The following DGCR8 variants were observed in gnomAD, a reference collection of about 807,000 sequenced individuals.
DGCR8 encodes microprocessor complex subunit DGCR8.
DGCR8 carries 14 observed loss-of-function variants against 78.5 expected under a neutral mutation model. The ratio of observed to expected loss-of-function variants is 0.18; its 90% confidence interval spans 0.12 to 0.28. The LOEUF is 0.28. DGCR8 is among the 10% of genes least tolerant of loss of function. The pLI is 1.00. For synonymous variants in DGCR8, 399 were observed against 402.4 expected (o/e 0.99, Z 0.10); for missense variants, 702 against 1,022.5 (o/e 0.69, Z 4.28).
At position 20,090,239 on chromosome 22, in the gene DGCR8, G is replaced by A; in HGVS notation, c.1287G>A (p.Val429=). Reference sequence around the variant, plus strand: ...GGCAGGTGAAGGCCAAAGTCGAGGTGTGCAAAGATGAATCCGTTGGTGAGT... The same window carrying A: ...GGCAGGTGAAGGCCAAAGTCGAGGTATGCAAAGATGAATCCGTTGGTGAGT... ...ALGQVKAKVE[V]CKDESVDLEE... Residue 429 remains valine, a synonymous_variant, in exon 5 of 14, where the codon GTG becomes GTA. Coordinates refer to ENST00000351989, the MANE Select transcript of DGCR8 (RefSeq NM_022720.7). 1 of 1,602,320 alleles carries A rather than the reference G, an allele frequency of 6.2e-7. No individual in the cohort carries two copies.
At chr22:20,081,603 C>G (rs558170381) in intron 1 of DGCR8, among the ~76,000 whole-genome samples, 1 of 152,186 alleles carries the variant, frequency 6.6e-6, no homozygotes, top group Admixed American at 6.5e-5. Flanking sequence ...CAGTCTTAGA[C>G]TCTCTTGTTG....
chr22:20,091,618 C>T lies in DGCR8; in HGVS notation c.1490C>T (p.Ala497Val), dbSNP rs1254043672. The T allele has an allele frequency of 2.5e-6, 4 of 1,614,164 alleles. No homozygotes were observed. In the South Asian group the frequency reaches 3.3e-5, roughly 13 times the overall value. ...CTCATTACTTTATCAGTGCAAGATG[C>T]ACCCACAAAGAAAGGTATAAGCCTC... ...QKLITLSVQD[A>V]PTKKEFVINP... Residue 497 changes from alanine (A) to valine (V), a missense_variant, in exon 6 of 14, where the codon GCA becomes GTA. Physicochemically the swap from Ala to Val is moderately conservative, Grantham distance 64. Coordinates refer to ENST00000351989, the MANE Select transcript of DGCR8 (RefSeq NM_022720.7).
chr22:20,100,169 C>A (rs4276104), intron 9 of DGCR8: 7,792 of 177,484 alleles, frequency 0.044, 223 homozygotes, highest in South Asian at 0.096. Flanking sequence ...TGGGTTCAAG[C>A]GATTCTTCTG....
intron 1 of DGCR8, 23 bp downstream of exon 1, chr22:20,080,406 G>GC (rs11387103): frequency 1 from 979,846 of 979,926 alleles, 489,883 homozygotes; most frequent in Middle Eastern, 1. Context: ...CGCGAGGGGC[G>GC]CCCGCGGGCG....
rs536949587 is a variant in DGCR8 at position 20,086,473 on chromosome 22, C to T, written c.510C>T (p.Asp170=). ...HACPFGGSVG[D]GVGIGGESAD... ...GTCCCTTTGGCGGGAGTGTTGGTGA[C>T]GGGGTAGGCATAGGGGGTGAGAGTG... The change falls in exon 2 of 14, where the codon GAC becomes GAT. Residue 170 remains aspartate (D), a synonymous_variant. Coordinates refer to ENST00000351989, the MANE Select transcript of DGCR8 (RefSeq NM_022720.7). The surrounding 1 kb of genome is among the most constrained non-coding windows in gnomAD (Gnocchi z 6.4). 18 of 1,613,556 alleles carry T rather than the reference C, an allele frequency of 1.1e-5. No homozygotes were observed. The highest frequency in any genetic ancestry group is 1.0e-4 in the Admixed American group (6 of 59,982).
rs944537169 is a variant in DGCR8 at position 20,100,229 on chromosome 22, G to C, written c.1788+5434G>C. 9 of 477,034 alleles carry C rather than the reference G, an allele frequency of 1.9e-5. No homozygotes were observed. In the African/African-American group the frequency reaches 1.9e-4, roughly 10 times the overall value. 29.6% of individuals were successfully genotyped at this position (477,034 alleles called of 1,614,324 possible). On this transcript the variant is annotated intron_variant, in intron 9 of 13. Transcript: ENST00000351989. ...CTACAGGTGCACGCCACCACGCCCG[G>C]CTAATTTTTGTATTTTTAGTAGAGA...
At chr22:20,109,983 A>G in intron 13 of DGCR8, 42 bp from the exon 14 acceptor site, 2 of 1,602,148 alleles carry the variant, frequency 1.2e-6, no homozygotes, top group Non-Finnish European at 1.7e-6. Context: ...GCCTCTGCCA[A>G]GCCCACCTCA....
At position 20,110,115 on chromosome 22, in the gene DGCR8, T is replaced by C. The variant is rs2147945455; in HGVS notation, c.*7T>C. ...GTGCACCGTGGACGTGTGAGGGAGG[T>C]GGCACGGGCCAGGGCGCGGGGGCCG... On this transcript the variant is annotated 3_prime_UTR_variant, in exon 14 of 14. Coordinates refer to ENST00000351989, the MANE Select transcript of DGCR8 (RefSeq NM_022720.7). The C allele has an allele frequency of 1.2e-6, 2 of 1,607,462 alleles. No homozygotes were observed. The highest frequency in any genetic ancestry group is 1.7e-4 in the Middle Eastern group (1 of 6,058).
intron 12 of DGCR8, chr22:20,108,231 A>G (rs1321703499): frequency 6.6e-6 from 1 of 152,466 alleles, no homozygotes; most frequent in Admixed American, 6.5e-5. Flanking sequence ...TTTGGGAAGC[A>G]AGTTGAAATG....
In DGCR8 at chr22:20,086,942, G is replaced by T; in HGVS notation, c.721-220G>T. On this transcript the variant is annotated intron_variant, in intron 2 of 13. Coordinates refer to ENST00000351989, the MANE Select transcript of DGCR8 (RefSeq NM_022720.7). This position sits in a 1 kb window ranked among gnomAD's most constrained non-coding sequence, Gnocchi z 6.4. ...CGCGTGGGGCAGCAGGTGCTGCTGA[G>T]TTACGCTCCTTGGCAGTGTGTGCCC... 2.7e-6 allele frequency: 2 copies of T among 741,876 alleles called. No individual in the cohort carries two copies. The highest frequency in any genetic ancestry group is 3.9e-5 in the South Asian group (2 of 51,642). The allele number at this position is 741,876 out of a possible 1,614,324, so 46.0% of individuals were successfully genotyped here. A position where few individuals can be genotyped will look rare whatever the true frequency, so the allele number is the denominator to read the frequency against.
chr22:20,083,497 C>T (rs1449468053), intron 1 of DGCR8, among the ~76,000 whole-genome samples: 1 of 152,042 alleles, frequency 6.6e-6, no homozygotes, highest in East Asian at 1.9e-4. Context: ...ACTTGTAAGG[C>T]ACCAGGCTTT....
chr22:20,089,924 T>A lies in DGCR8; in HGVS notation c.1024-52T>A. The stretch of plus-strand genomic sequence containing the variant: ...GAGGCCGGTGAAAGGCATCAGAGTT[T>A]CAGACTCTCGGGTTGTCCTTGTAAT... On this transcript the variant is annotated intron_variant, in intron 4 of 13. Coordinates refer to ENST00000351989, the MANE Select transcript of DGCR8 (RefSeq NM_022720.7). The surrounding 1 kb of genome is among the most constrained non-coding windows in gnomAD (Gnocchi z 4.9). The A allele has an allele frequency of 6.3e-7, 1 of 1,587,424 alleles. No homozygotes were observed. The highest frequency in any genetic ancestry group is 8.6e-7 in the Non-Finnish European group (1 of 1,164,900).
Position 20,089,761 on chromosome 22 carries a change from C to T in DGCR8, c.973C>T (p.Arg325Trp), listed in dbSNP as rs2049530112. ...CCCGGTGTACCTACACAGAGAGTCT[C>T]GGGTGGTCACCTGGTCCAGGCCATA... ...GVPVYLHRES[R>W]VVTWSRPYFL... The change falls in exon 4 of 14, where the codon CGG becomes TGG. Residue 325 changes from arginine to tryptophan, a missense_variant. Arg to Trp is a moderately radical substitution (Grantham distance 101). Coordinates refer to ENST00000351989, the MANE Select transcript of DGCR8 (RefSeq NM_022720.7). This position sits in a 1 kb window ranked among gnomAD's most constrained non-coding sequence, Gnocchi z 4.9. The T allele has an allele frequency of 1.2e-6, 2 of 1,613,854 alleles. No homozygotes were observed. Among genetic ancestry groups the T allele is most frequent in the Non-Finnish European group, 1.7e-6 (2 of 1,179,956 alleles).
rs765113050 is a variant in DGCR8, at chr22:20,110,063, G to A, written c.2277G>A (p.Ala759=). 80 of 1,613,122 alleles carry A rather than the reference G, an allele frequency of 5.0e-5. 1 individual carries two copies. The highest frequency in any genetic ancestry group is 4.3e-4 in the Admixed American group (26 of 60,008). ...AGAAGCCCAAGATGTCCATTGTGGC[G>A]TCCGCCCAGCCTGGCGGTGAGCCCC... The part of the protein sequence containing the change: ...TRKKPKMSIV[A]SAQPGGEPLC... Residue 759 remains alanine (A), a synonymous_variant, in exon 14 of 14, where the codon GCG becomes GCA. Coordinates refer to ENST00000351989, the MANE Select transcript of DGCR8 (RefSeq NM_022720.7).
Position 20,091,545 on chromosome 22 carries a change from C to G in DGCR8, c.1417C>G (p.Arg473Gly). The change falls in exon 6 of 14, where the codon CGG becomes GGG. Residue 473 changes from arginine (R) to glycine (G), a missense_variant. Transcript: ENST00000351989. ...ERRQFNREMK[R>G]KQAESERPIL... is the part of the protein sequence containing the mutation. Reference sequence around the variant, plus strand: ...GCGGCAATTCAATCGGGAAATGAAGCGGAAGCAGGCGGAGTCCGAGAGGCC... The same window carrying G: ...GCGGCAATTCAATCGGGAAATGAAGGGGAAGCAGGCGGAGTCCGAGAGGCC... The G allele has an allele frequency of 6.2e-7, 1 of 1,614,184 alleles. No individual in the cohort carries two copies.
intron 9 of DGCR8, among the ~76,000 whole-genome samples, chr22:20,100,059 A>C (rs2049677206): frequency 6.6e-6 from 1 of 152,148 alleles, no homozygotes; most frequent in Non-Finnish European, 1.5e-5. Context: ...CTGTTCCAGG[A>C]AGAGTCACAT....
chr22:20,096,385 A>T (rs1449466552), intron 9 of DGCR8: 3 of 957,272 alleles, frequency 3.1e-6, no homozygotes, highest in Non-Finnish European at 3.7e-6. Context: ...GGGCCCATGG[A>T]GTTCAAATCC....
chr22:20,102,518 T>C (rs2049715729), intron 9 of DGCR8, among the ~76,000 whole-genome samples: 1 of 152,234 alleles, frequency 6.6e-6, no homozygotes, highest in South Asian at 2.1e-4. Context: ...CGTCCAGGTC[T>C]GTGTGTGATG....
At chr22:20,091,407 A>G in intron 5 of DGCR8, 28 bp from the exon 6 acceptor site, 1 of 1,612,616 alleles carries the variant, frequency 6.2e-7, no homozygotes, top group Non-Finnish European at 8.5e-7. Flanking sequence ...AAGTTAAGTA[A>G]TTTGTTTCTC....
Sources: allele counts gnomAD v4.1 joint callset (sites outside exome capture counted in the v4.1 genomes callset), GRCh38; gene constraint gnomAD v4.1.1; non-coding constraint Gnocchi (gnomAD v3.1); transcripts MANE v1.5; gene names NCBI Gene and HGNC (gene_info 2026-07-23, HGNC 2026-07-21).